Variants in NALF1 observed in about 807,000 individuals in gnomAD.
NALF1 encodes NALCN channel auxiliary factor 1.
Under a neutral mutation model 48.4 loss-of-function variants are expected in NALF1, and 3 were observed. The ratio of observed to expected loss-of-function variants is 0.06; its 90% CI spans 0.03 to 0.16. NALF1 has a LOEUF of 0.16. NALF1 is among the 10% of genes least tolerant of loss of function. NALF1 has a pLI of 1.00. For synonymous variants in NALF1, 262 were observed against 245.7 expected (o/e 1.07, Z -0.62); for missense variants, 526 against 571.5 (o/e 0.92, Z 0.81).
At chr13:107,499,774 C>T (rs1396057755) in intron 1 of NALF1, among the ~76,000 whole-genome samples, 2 of 152,082 alleles carry the variant, frequency 1.3e-5, no homozygotes, top group Non-Finnish European at 2.9e-5. Flanking sequence ...AATTATTCTA[C>T]ATTTCTTTTA....
intron 1 of NALF1, among the ~76,000 whole-genome samples, chr13:107,539,884 T>C (rs1876950942): frequency 6.6e-6 from 1 of 152,172 alleles, no homozygotes; most frequent in South Asian, 2.1e-4. Context: ...GTGCTGGTTT[T>C]GCTATACATT....
At chr13:107,593,844 C>T (rs1238836788) in intron 1 of NALF1, among the ~76,000 whole-genome samples, 1 of 150,544 alleles carries the variant, frequency 6.6e-6, no homozygotes, top group African/African-American at 2.4e-5. Context: ...GAAACGGAAA[C>T]TTGTATTTGT....
At chr13:107,405,456 G>C (rs147822586) in intron 1 of NALF1, among the ~76,000 whole-genome samples, 324 of 152,082 alleles carry the variant, frequency 2.1e-3, no homozygotes, top group African/African-American at 7.1e-3. Context: ...TCTGTTGATT[G>C]ATCCACATGT....
chr13:107,171,938 T>A (rs1018810921), intron 2 of NALF1, among the ~76,000 whole-genome samples: 1 of 152,218 alleles, frequency 6.6e-6, no homozygotes, highest in African/African-American at 2.4e-5. Flanking sequence ...AGAAATAACA[T>A]GAAAATTTGG....
In NALF1 at chr13:107,219,085, A is replaced by G. The variant is rs979438359; in HGVS notation, c.916-8330T>C. On this transcript the variant is annotated intron_variant, in intron 1 of 2. Transcript: ENST00000375915. ...CCGGATTATCATGTTAGTGACGAAG[A>G]TGGTGGGAGCTCTGCTGTGGGCATC... Among the ~76,000 whole-genome samples, 4 of 152,292 alleles carry G rather than the reference A, an allele frequency of 2.6e-5. No individual in the cohort carries two copies. In the South Asian group the frequency reaches 8.3e-4, roughly 32 times the overall value.
intron 1 of NALF1, among the ~76,000 whole-genome samples, chr13:107,261,722 A>T (rs1880931117): frequency 6.6e-6 from 1 of 152,194 alleles, no homozygotes; most frequent in African/African-American, 2.4e-5. Flanking sequence ...ATGGCAGAAG[A>T]TACAGAGAAC....
At chr13:107,193,900 T>TAGAGAG (rs34823936) in intron 2 of NALF1, among the ~76,000 whole-genome samples, 11 of 150,702 alleles carry the variant, frequency 7.3e-5, no homozygotes, top group Non-Finnish European at 1.2e-4. Flanking sequence ...GAGCTGGCAC[T>TAGAGAG]AGAGAGAGAG....
intron 1 of NALF1, among the ~76,000 whole-genome samples, chr13:107,428,980 T>C (rs886117225): frequency 6.6e-6 from 1 of 152,220 alleles, no homozygotes; most frequent in African/African-American, 2.4e-5. Context: ...CCTAATAATA[T>C]AACCATATTT....
intron 1 of NALF1, among the ~76,000 whole-genome samples, chr13:107,752,157 A>G (rs1160955142): frequency 1.3e-5 from 2 of 152,070 alleles, no homozygotes; most frequent in Non-Finnish European, 2.9e-5. Flanking sequence ...TGAATGATAT[A>G]TCCATTACAA....
At chr13:107,531,699 A>AT (rs1325732143) in intron 1 of NALF1, among the ~76,000 whole-genome samples, 1 of 151,426 alleles carries the variant, frequency 6.6e-6, no homozygotes, top group Non-Finnish European at 1.5e-5. Context: ...GTCTGTCTGT[A>AT]TTTTTTTCCA....
intron 1 of NALF1, among the ~76,000 whole-genome samples, chr13:107,843,234 T>C (rs770767087): frequency 2.0e-5 from 3 of 152,186 alleles, no homozygotes; most frequent in Non-Finnish European, 4.4e-5. Flanking sequence ...TATACAACAA[T>C]GCCAAGAGGT....
At chr13:107,677,247 T>C (rs1234205128) in intron 1 of NALF1, among the ~76,000 whole-genome samples, 2 of 152,172 alleles carry the variant, frequency 1.3e-5, no homozygotes, top group Non-Finnish European at 2.9e-5. Flanking sequence ...GGGTTTGTCA[T>C]GTTGGCCAGG....
chr13:107,252,275 T>C (rs1880717552), intron 1 of NALF1, among the ~76,000 whole-genome samples: 2 of 151,962 alleles, frequency 1.3e-5, no homozygotes, highest in African/African-American at 2.4e-5. Flanking sequence ...AGAGTCACGG[T>C]TCCCGGCCAC....
At chr13:107,555,431 C>G (rs570472715) in intron 1 of NALF1, among the ~76,000 whole-genome samples, 2 of 144,824 alleles carry the variant, frequency 1.4e-5, no homozygotes, top group Non-Finnish European at 3.0e-5. Context: ...TGCCACCAAG[C>G]CTGGCTAATT....
intron 1 of NALF1, among the ~76,000 whole-genome samples, chr13:107,447,313 T>A (rs991321863): frequency 2.6e-5 from 4 of 152,182 alleles, no homozygotes; most frequent in African/African-American, 9.7e-5. Context: ...TTGTCCTGCC[T>A]TGGCCCTTCC....
intron 1 of NALF1, among the ~76,000 whole-genome samples, chr13:107,753,888 T>C (rs1229241177): frequency 6.6e-6 from 1 of 152,066 alleles, no homozygotes; most frequent in Non-Finnish European, 1.5e-5. Flanking sequence ...GGAGTTTCCA[T>C]TTGGTTGCAG....
At chr13:107,450,732 G>A (rs1181438676) in intron 1 of NALF1, among the ~76,000 whole-genome samples, 6 of 152,288 alleles carry the variant, frequency 3.9e-5, no homozygotes, top group South Asian at 2.1e-4. Context: ...GGGGCTGGTC[G>A]TTGGAGAGGA....
At chr13:107,403,261 G>T (rs1484547182) in intron 1 of NALF1, among the ~76,000 whole-genome samples, 1 of 132,242 alleles carries the variant, frequency 7.6e-6, no homozygotes, top group Non-Finnish European at 1.5e-5. Flanking sequence ...AGAGAGGGGT[G>T]ATTGTGAAAA....
chr13:107,587,943 T>C (rs1232578572), intron 1 of NALF1, among the ~76,000 whole-genome samples: 3 of 152,030 alleles, frequency 2.0e-5, no homozygotes, highest in African/African-American at 4.8e-5. Flanking sequence ...CACAATAAAA[T>C]GTACTGAACA....
Sources: gnomAD v4.1 joint callset for allele counts (sites outside exome capture counted in the v4.1 genomes callset) on GRCh38, gnomAD v4.1.1 for gene constraint, MANE v1.5 for transcripts, NCBI Gene and HGNC (gene_info 2026-07-23, HGNC 2026-07-21) for gene names.